The following WDR70 variants were observed in gnomAD, a reference collection of about 807,000 sequenced individuals.
WDR70 encodes the protein WD repeat domain 70.
In WDR70, 53 loss-of-function variants were observed where a neutral mutation model predicts 88.6. The ratio of observed to expected loss-of-function variants is 0.60; its 90% CI spans 0.48 to 0.75. The LOEUF (loss-of-function observed/expected upper bound fraction) is 0.75, where lower values mean the gene tolerates loss of function less well. Ranked by LOEUF, WDR70 falls within the 30% of genes least tolerant of loss-of-function variation. WDR70 has a pLI of 0.00. For synonymous variants in WDR70, 280 were observed against 270.0 expected (o/e 1.04, Z -0.36); for missense variants, 610 against 823.2 (o/e 0.74, Z 3.17).
At chr5:37,621,471 T>C (rs909369442) in intron 10 of WDR70, among the ~76,000 whole-genome samples, 6 of 152,122 alleles carry the variant, frequency 3.9e-5, no homozygotes, top group African/African-American at 1.4e-4. Context: ...CATTCCTCAT[T>C]CTCCCATTTA....
At chr5:37,583,886 A>C (rs1156330387) in intron 9 of WDR70, among the ~76,000 whole-genome samples, 1 of 152,166 alleles carries the variant, frequency 6.6e-6, no homozygotes, top group Admixed American at 6.5e-5. Flanking sequence ...AGATATGGAA[A>C]ATTTGCAGTA....
intron 10 of WDR70, among the ~76,000 whole-genome samples, chr5:37,687,270 A>G (rs1372699182): frequency 1.3e-5 from 2 of 152,266 alleles, no homozygotes; most frequent in Non-Finnish European, 2.9e-5. Flanking sequence ...TTAATAATTG[A>G]AGAGCACTTT....
intron 8 of WDR70, among the ~76,000 whole-genome samples, chr5:37,483,423 G>A (rs1739737104): frequency 6.6e-6 from 1 of 152,144 alleles, no homozygotes; most frequent in Admixed American, 6.6e-5. Flanking sequence ...TTGGGGGTAA[G>A]GTCATAGATC....
intron 16 of WDR70, among the ~76,000 whole-genome samples, chr5:37,726,546 ATT>A (rs1747974278): frequency 6.6e-6 from 1 of 152,132 alleles, no homozygotes; most frequent in African/African-American, 2.4e-5. Flanking sequence ...TCTAATGAAT[ATT>A]GTTTATTTTT....
chr5:37,507,536 A>T (rs1179106146), intron 8 of WDR70, among the ~76,000 whole-genome samples: 17 of 152,178 alleles, frequency 1.1e-4, no homozygotes, highest in Non-Finnish European at 2.4e-4. Flanking sequence ...AGACACTGGT[A>T]ACTATCATTC....
intron 17 of WDR70, 107 bp downstream of exon 17, chr5:37,727,152 C>T: frequency 7.4e-7 from 1 of 1,357,420 alleles, no homozygotes; most frequent in Non-Finnish European, 9.9e-7. Flanking sequence ...TTATTTCATA[C>T]TTAGATATGA....
At chr5:37,574,140 A>G (rs1194461653) in intron 9 of WDR70, among the ~76,000 whole-genome samples, 1 of 152,198 alleles carries the variant, frequency 6.6e-6, no homozygotes, top group African/African-American at 2.4e-5. Flanking sequence ...CTAACAAAGT[A>G]TTTGACAATC....
intron 3 of WDR70, among the ~76,000 whole-genome samples, chr5:37,385,518 C>A (rs1388788144): frequency 4.5e-3 from 303 of 67,786 alleles, no homozygotes; most frequent in East Asian, 5.7e-3. Context: ...GAGCCTGTCT[C>A]AAAAAAAAAA....
intron 9 of WDR70, among the ~76,000 whole-genome samples, chr5:37,601,800 G>C (rs746795589): frequency 6.6e-6 from 1 of 152,100 alleles, no homozygotes; most frequent in Non-Finnish European, 1.5e-5. Context: ...ATTCATAACA[G>C]CAGAGACTTG....
At chr5:37,562,086 G>T (rs541329238) in intron 9 of WDR70, among the ~76,000 whole-genome samples, 1 of 152,122 alleles carries the variant, frequency 6.6e-6, no homozygotes, top group East Asian at 1.9e-4. Context: ...GGCTGGGCGC[G>T]GTGGCTCATG....
chr5:37,420,725 A>G (rs1164427659), intron 5 of WDR70, among the ~76,000 whole-genome samples: 4 of 152,094 alleles, frequency 2.6e-5, no homozygotes, highest in Non-Finnish European at 5.9e-5. Context: ...CAGCCTGGCC[A>G]ACATGGTGAA....
chr5:37,554,836 A>G (rs1742253642), intron 9 of WDR70, among the ~76,000 whole-genome samples: 1 of 152,064 alleles, frequency 6.6e-6, no homozygotes, highest in Non-Finnish European at 1.5e-5. Flanking sequence ...CCTCTCGAGT[A>G]TTGGGACTAC....
Position 37,634,453 on chromosome 5 carries a change from A to G in WDR70, c.1092+29215A>G, listed in dbSNP as rs191817762. 1.4e-4 allele frequency among the ~76,000 whole-genome samples: 21 copies of G among 152,328 alleles called. No individual in the cohort carries two copies. In the East Asian group the frequency reaches 2.9e-3, roughly 21 times the overall value. On this transcript the variant is annotated intron_variant, in intron 10 of 17. Transcript: ENST00000265107. The stretch of plus-strand genomic sequence containing the variant: ...AATATACTTTTTCAAATGCATCTCT[A>G]ACCTTACCTCACACATCTCTAACCT...
At chr5:37,432,411 CGTA>C (rs1227743666) in intron 5 of WDR70, among the ~76,000 whole-genome samples, 2 of 152,152 alleles carry the variant, frequency 1.3e-5, no homozygotes, top group Non-Finnish European at 2.9e-5. Context: ...ATCTTTGAGA[CGTA>C]GTCTCGCTCT....
At chr5:37,730,391 T>G (rs560197310) in intron 17 of WDR70, among the ~76,000 whole-genome samples, 1 of 152,258 alleles carries the variant, frequency 6.6e-6, no homozygotes, top group South Asian at 2.1e-4. Context: ...TATGATTGAT[T>G]TAAAGATTTG....
chr5:37,616,609 C>T (rs943320249), intron 10 of WDR70, among the ~76,000 whole-genome samples: 10 of 152,142 alleles, frequency 6.6e-5, no homozygotes, highest in African/African-American at 2.2e-4. Context: ...GCCATTCCCT[C>T]CATGATGCTC....
At chr5:37,469,677 CTT>C (rs982038836) in intron 7 of WDR70, among the ~76,000 whole-genome samples, 1 of 152,182 alleles carries the variant, frequency 6.6e-6, no homozygotes, top group Admixed American at 6.5e-5. Flanking sequence ...TGTAGTTACT[CTT>C]TGCGTTGTAG....
chr5:37,739,132 C>T (rs995476797), intron 17 of WDR70, among the ~76,000 whole-genome samples: 4 of 152,136 alleles, frequency 2.6e-5, no homozygotes, highest in African/African-American at 7.2e-5. Flanking sequence ...CACATCAGCC[C>T]TCTGTAAGTT....
At position 37,415,468 on chromosome 5, in the gene WDR70, C is replaced by T. The variant is rs1306724158; in HGVS notation, c.492+18898C>T. 3.6e-4 allele frequency among the ~76,000 whole-genome samples: 31 copies of T among 85,892 alleles called. 5 individuals carry two copies. The highest frequency in any genetic ancestry group is 6.9e-4 in the Admixed American group (6 of 8,672). The allele number at this position is 85,892 out of a possible 152,430, so 56.3% of individuals were successfully genotyped here. A position where few individuals can be genotyped will look rare whatever the true frequency, so the allele number is the denominator to read the frequency against. On this transcript the variant is annotated intron_variant, in intron 5 of 17. Coordinates refer to ENST00000265107, the MANE Select transcript of WDR70 (RefSeq NM_018034.4). ...GCTGGCCGGGCCGGGGGCTGATCCCCCCACCTCCCTCCCGGAAGGGGCGGC... is the reference window on the plus strand; with the variant it reads ...GCTGGCCGGGCCGGGGGCTGATCCCTCCACCTCCCTCCCGGAAGGGGCGGC...
Sources: gnomAD v4.1 joint callset for allele counts (sites outside exome capture counted in the v4.1 genomes callset) on GRCh38, gnomAD v4.1.1 for gene constraint, MANE v1.5 for transcripts, NCBI Gene and HGNC (gene_info 2026-07-23, HGNC 2026-07-21) for gene names.